The following TRAPPC9 variants were observed in gnomAD, a reference collection of about 807,000 sequenced individuals.
TRAPPC9 encodes the protein trafficking protein particle complex subunit 9.
TRAPPC9 carries 83 observed loss-of-function variants against 124.0 expected under a neutral mutation model. The observed-to-expected ratio is 0.67, with a 90% CI of 0.56 to 0.80. The LOEUF is 0.80. Among genes scored for constraint, TRAPPC9 ranks in the 30% least tolerant of loss-of-function variants. The probability of loss-of-function intolerance (pLI) is 0.00; values close to 1 mark genes in which losing one functional copy is unlikely to be tolerated. For missense variants in TRAPPC9, 1,302 were observed against 1,508.3 expected, an observed-to-expected ratio of 0.86 and a Z score of 2.27; for synonymous variants, 638 against 617.5, an observed-to-expected ratio of 1.03 and a Z score of -0.49.
At chr8:140,105,552 C>G (rs767702280) in intron 17 of TRAPPC9, among the ~76,000 whole-genome samples, 1 of 152,152 alleles carries the variant, frequency 6.6e-6, no homozygotes, top group Non-Finnish European at 1.5e-5. Flanking sequence ...CTGACGTGCC[C>G]TATCTTTTCA....
In TRAPPC9 at chr8:140,200,540, C is replaced by G. The variant is rs150333022; in HGVS notation, c.2556+20919G>C. 9.6e-3 allele frequency among the ~76,000 whole-genome samples: 1,459 copies of G among 152,182 alleles called. 9 individuals are homozygous for G. The highest frequency in any genetic ancestry group is 0.016 in the Non-Finnish European group (1,061 of 68,014). On this transcript the variant is annotated intron_variant, in intron 17 of 22. Transcript: ENST00000438773. Reference sequence around the variant, plus strand: ...CATCACCAACAAGTCAGGTGGGCACCCCTGCGGCGGCGGCATAAGAAGGGC... The same window carrying G: ...CATCACCAACAAGTCAGGTGGGCACGCCTGCGGCGGCGGCATAAGAAGGGC...
intron 19 of TRAPPC9, among the ~76,000 whole-genome samples, chr8:139,919,795 G>A (rs999868430): frequency 3.9e-5 from 6 of 152,166 alleles, no homozygotes; most frequent in Non-Finnish European, 4.4e-5. Flanking sequence ...GAGCAGGTGC[G>A]GAGGACCCCA....
At position 139,756,892 on chromosome 8, in the gene TRAPPC9, GCCA is replaced by G. The variant is rs1468996881; in HGVS notation, c.3056-24693_3056-24691del. 3.7e-3 allele frequency among the ~76,000 whole-genome samples: 522 copies of G among 141,880 alleles called. 2 individuals are homozygous for G. Among genetic ancestry groups the G allele is most frequent in the African/African-American group, 0.013 (474 of 37,780 alleles). 93.1% of individuals were successfully genotyped at this position (141,880 alleles called of 152,430 possible). A position where few individuals can be genotyped will look rare whatever the true frequency, so the allele number is the denominator to read the frequency against. On this transcript the variant is annotated intron_variant, in intron 21 of 22. Coordinates refer to ENST00000438773, the MANE Select transcript of TRAPPC9 (RefSeq NM_001160372.4). ...ATGAGGACAGCAGGTCGCAGGAGGA[GCCA>G]GGGTTTGGGGATGAGGACAGCAGGT...
At chr8:140,236,079 C>CTT (rs765201850) in intron 16 of TRAPPC9, among the ~76,000 whole-genome samples, 1,223 of 111,642 alleles carry the variant, frequency 0.011, 25 homozygotes, top group African/African-American at 0.031. Context: ...ACTGTATTTC[C>CTT]TTTTTTTTTT....
In TRAPPC9 at chr8:140,291,057, TCTC is replaced by T; in HGVS notation, c.1787_1789del (p.Gly596del). ...TACCATCAGCTGAACTTCACACACA[TCTC>T]CTTGAACCCACTGGAAATCTAGAAA... On this transcript the variant is annotated inframe_deletion, in exon 12 of 23. Coordinates refer to ENST00000438773, the MANE Select transcript of TRAPPC9 (RefSeq NM_001160372.4). 2 of 1,614,172 alleles carry T rather than the reference TCTC, an allele frequency of 1.2e-6. No individual in the cohort carries two copies.
At chr8:140,309,349 G>C (rs2066227829) in intron 10 of TRAPPC9, among the ~76,000 whole-genome samples, 1 of 152,220 alleles carries the variant, frequency 6.6e-6, no homozygotes, top group African/African-American at 2.4e-5. Context: ...AAAACGAAGT[G>C]TAAAGAGACT....
At chr8:140,308,664 C>T (rs1371020431) in intron 10 of TRAPPC9, among the ~76,000 whole-genome samples, 1 of 152,022 alleles carries the variant, frequency 6.6e-6, no homozygotes, top group African/African-American at 2.4e-5. Flanking sequence ...GGGCGGATCA[C>T]GAGGTCAGGA....
chr8:140,084,896 C>CTGTTAT (rs1844086419), intron 17 of TRAPPC9, among the ~76,000 whole-genome samples: 1 of 152,228 alleles, frequency 6.6e-6, no homozygotes, highest in African/African-American at 2.4e-5. Flanking sequence ...CATTAGGCTC[C>CTGTTAT]TGTTACAGAC....
At chr8:140,403,209 A>G (rs1038976104) in intron 6 of TRAPPC9, among the ~76,000 whole-genome samples, 11 of 152,136 alleles carry the variant, frequency 7.2e-5, no homozygotes, top group African/African-American at 2.7e-4. Flanking sequence ...TGAGCAGATC[A>G]CTTGAGGTCA....
chr8:139,764,042 C>T (rs150005313), intron 21 of TRAPPC9, among the ~76,000 whole-genome samples: 1,859 of 152,262 alleles, frequency 0.012, 18 homozygotes, highest in Non-Finnish European at 0.018. Flanking sequence ...CCAGGGAGAA[C>T]GGTGTCTCAG....
intron 17 of TRAPPC9, among the ~76,000 whole-genome samples, chr8:140,135,636 G>C (rs759272901): frequency 6.6e-6 from 1 of 152,202 alleles, no homozygotes; most frequent in Non-Finnish European, 1.5e-5. Context: ...CTAGGAGTAT[G>C]GAAGAACGAG....
At chr8:139,762,956 G>A (rs973308283) in intron 21 of TRAPPC9, among the ~76,000 whole-genome samples, 5 of 152,204 alleles carry the variant, frequency 3.3e-5, no homozygotes, top group Non-Finnish European at 5.9e-5. Flanking sequence ...GCCCTGCACC[G>A]GGTCTGAGAA....
At chr8:139,841,654 T>C (rs1030070209) in intron 21 of TRAPPC9, among the ~76,000 whole-genome samples, 1 of 152,180 alleles carries the variant, frequency 6.6e-6, no homozygotes, top group South Asian at 2.1e-4. Flanking sequence ...AGGCACCTCA[T>C]GGATGCAGGA....
intron 17 of TRAPPC9, among the ~76,000 whole-genome samples, chr8:140,060,265 G>A (rs1490561640): frequency 6.6e-6 from 1 of 152,210 alleles, no homozygotes; most frequent in African/African-American, 2.4e-5. Flanking sequence ...GGCCTCGGGT[G>A]TCCCACGAGG....
intron 17 of TRAPPC9, among the ~76,000 whole-genome samples, chr8:140,107,890 T>C (rs772006782): frequency 6.6e-6 from 1 of 150,564 alleles, no homozygotes; most frequent in Non-Finnish European, 1.5e-5. Context: ...TCTGGCAGTT[T>C]CCATCTTGCC....
At position 139,776,898 on chromosome 8, in the gene TRAPPC9, T is replaced by C. The variant is rs144509595; in HGVS notation, c.3056-44696A>G. Among the ~76,000 whole-genome samples, 309 of 152,314 alleles carry C rather than the reference T, an allele frequency of 2.0e-3. 1 individual carries two copies. Among genetic ancestry groups the C allele is most frequent in the African/African-American group, 6.4e-3 (265 of 41,552 alleles). On this transcript the variant is annotated intron_variant, in intron 21 of 22. Coordinates refer to ENST00000438773, the MANE Select transcript of TRAPPC9 (RefSeq NM_001160372.4). This position sits in a 1 kb window ranked among gnomAD's most constrained non-coding sequence, Gnocchi z 4.1. Reference sequence around the variant, plus strand: ...TGGTTACTTTCGCCTAAACCACCAATTGATGACGTGGGGGCTGTGCCTTGC... The same window carrying C: ...TGGTTACTTTCGCCTAAACCACCAACTGATGACGTGGGGGCTGTGCCTTGC...
In TRAPPC9 at chr8:140,348,654, G is replaced by C. The variant is rs953516674; in HGVS notation, c.1495+11396C>G. On this transcript the variant is annotated intron_variant, in intron 9 of 22. Transcript: ENST00000438773. The stretch of plus-strand genomic sequence containing the variant: ...TGTATTATTAATGCATTCAACTATA[G>C]GTGACTGCCAACATGTGCCTCTAGC... Among the ~76,000 whole-genome samples the C allele has an allele frequency of 3.9e-5, 6 of 152,342 alleles. No homozygotes were observed. In the South Asian group the frequency reaches 1.2e-3, roughly 32 times the overall value.
chr8:140,106,733 AGAG>A (rs1249925203), intron 17 of TRAPPC9, among the ~76,000 whole-genome samples: 2 of 152,202 alleles, frequency 1.3e-5, no homozygotes, highest in African/African-American at 4.8e-5. Flanking sequence ...CACGAAAAAA[AGAG>A]GATAATGCCG....
chr8:140,218,401 T>C (rs941248269), intron 17 of TRAPPC9, among the ~76,000 whole-genome samples: 1 of 152,044 alleles, frequency 6.6e-6, no homozygotes, highest in Admixed American at 6.6e-5. Context: ...TTTAAAGATG[T>C]TCAAACTGAC....
Sources: gnomAD v4.1 joint callset for allele counts (sites outside exome capture counted in the v4.1 genomes callset) on GRCh38, gnomAD v4.1.1 for gene constraint, Gnocchi (gnomAD v3.1) non-coding constraint, MANE v1.5 for transcripts, NCBI Gene and HGNC (gene_info 2026-07-23, HGNC 2026-07-21) for gene names.